The following MTHFD1L variants were observed in gnomAD, a reference collection of about 807,000 sequenced individuals.
MTHFD1L encodes monofunctional C1-tetrahydrofolate synthase, mitochondrial.
A neutral mutation model predicts 119.5 loss-of-function variants in MTHFD1L; 81 were observed. The observed-to-expected ratio is 0.68, with a 90% confidence interval of 0.57 to 0.82. The LOEUF is 0.82. Ranked by LOEUF, MTHFD1L falls within the 40% of genes least tolerant of loss-of-function variation. The probability of loss-of-function intolerance (pLI) is 0.00; values close to 1 mark genes in which losing one functional copy is unlikely to be tolerated. For missense variants in MTHFD1L, 1,125 were observed against 1,253.4 expected, an observed-to-expected ratio of 0.90 and a Z score of 1.55; for synonymous variants, 430 against 475.2, an observed-to-expected ratio of 0.90 and a Z score of 1.24.
intron 20 of MTHFD1L, among the ~76,000 whole-genome samples, chr6:150,995,509 C>T (rs1181343757): frequency 4.8e-4 from 47 of 97,604 alleles, no homozygotes; most frequent in Middle Eastern, 5.3e-3. Context: ...AGCGAAACTC[C>T]GTCTCAAAAA....
intron 7 of MTHFD1L, among the ~76,000 whole-genome samples, chr6:150,889,992 A>C (rs780470303): frequency 6.6e-6 from 1 of 152,050 alleles, no homozygotes; most frequent in Non-Finnish European, 1.5e-5. Flanking sequence ...CCCCATCTCT[A>C]CTAAAAATAT....
At chr6:151,053,539 C>A (rs936549560) in intron 26 of MTHFD1L, among the ~76,000 whole-genome samples, 22 of 152,074 alleles carry the variant, frequency 1.4e-4, no homozygotes, top group African/African-American at 4.3e-4. Context: ...CATTTGTGAT[C>A]CTCTGTGCCA....
At chr6:151,042,879 T>C (rs1398119481) in intron 26 of MTHFD1L, among the ~76,000 whole-genome samples, 1 of 152,074 alleles carries the variant, frequency 6.6e-6, no homozygotes, top group African/African-American at 2.4e-5. Flanking sequence ...AACATGAAAA[T>C]ACAGTAAATA....
At chr6:151,003,486 C>T (rs755404225) in intron 20 of MTHFD1L, among the ~76,000 whole-genome samples, 12 of 151,936 alleles carry the variant, frequency 7.9e-5, no homozygotes, top group Admixed American at 1.3e-4. Flanking sequence ...AAGCCGAGAT[C>T]GCACCATTGC....
chr6:151,064,305 T>C (rs962656982), intron 26 of MTHFD1L, among the ~76,000 whole-genome samples: 9 of 152,102 alleles, frequency 5.9e-5, no homozygotes, highest in African/African-American at 2.2e-4. Flanking sequence ...ATTCTTGAAG[T>C]GTTAAATTAT....
Position 150,961,034 on chromosome 6 carries a change from G to A in MTHFD1L, c.1944+619G>A, listed in dbSNP as rs75678471. Among the ~76,000 whole-genome samples, 685 of 150,840 alleles carry A rather than the reference G, an allele frequency of 4.5e-3. 4 individuals carry two copies. Among genetic ancestry groups the A allele is most frequent in the African/African-American group, 0.016 (652 of 41,016 alleles). On this transcript the variant is annotated intron_variant, in intron 18 of 27. Coordinates refer to ENST00000367321, the MANE Select transcript of MTHFD1L (RefSeq NM_015440.5). ...TTTTAGTGCTTTTTCTAATTGGCATGCTAGTCTTCTTTTCTTCTTCGTCTT... is the reference window on the plus strand; with the variant it reads ...TTTTAGTGCTTTTTCTAATTGGCATACTAGTCTTCTTTTCTTCTTCGTCTT...
At position 151,014,870 on chromosome 6, in the gene MTHFD1L, T is replaced by C; in HGVS notation, c.2308-10T>C. On this transcript the variant is annotated splice_polypyrimidine_tract_variant and intron_variant, in intron 22 of 27. Coordinates refer to ENST00000367321, the MANE Select transcript of MTHFD1L (RefSeq NM_015440.5). ...CAGGGGTCTGGGTTTTGCTTTTTTC[T>C]TTTTTACAGAACATCCAGCTGGTGG... 1.9e-6 allele frequency: 3 copies of C among 1,613,022 alleles called. No homozygotes were observed. The highest frequency in any genetic ancestry group is 2.5e-6 in the Non-Finnish European group (3 of 1,179,538).
At chr6:151,073,410 T>A (rs144913905) in intron 26 of MTHFD1L, among the ~76,000 whole-genome samples, 1 of 152,328 alleles carries the variant, frequency 6.6e-6, no homozygotes. Flanking sequence ...GGGCACTGGT[T>A]AGAATACTAA....
chr6:151,024,855 G>T (rs1584195560), intron 24 of MTHFD1L, among the ~76,000 whole-genome samples: 1 of 151,914 alleles, frequency 6.6e-6, no homozygotes, highest in Admixed American at 6.6e-5. Context: ...TTTGAGCCTG[G>T]GCAACAGAAC....
intron 8 of MTHFD1L, chr6:150,912,869 C>T: frequency 5.1e-6 from 1 of 194,960 alleles, no homozygotes; most frequent in South Asian, 8.5e-5. Context: ...GGAGTCCTGC[C>T]CCTACACGGG....
At chr6:150,902,571 C>T (rs951494415) in intron 7 of MTHFD1L, among the ~76,000 whole-genome samples, 2 of 152,154 alleles carry the variant, frequency 1.3e-5, no homozygotes, top group Admixed American at 1.3e-4. Flanking sequence ...ATTTAAGCAT[C>T]TAGCACTTTT....
intron 11 of MTHFD1L, chr6:150,935,596 T>C: frequency 7.1e-7 from 1 of 1,405,916 alleles, no homozygotes; most frequent in Non-Finnish European, 9.7e-7. Context: ...CTGTGTGGAG[T>C]AGGTTTTCTC....
chr6:150,997,420 C>T (rs891848996), intron 20 of MTHFD1L, among the ~76,000 whole-genome samples: 9 of 152,184 alleles, frequency 5.9e-5, no homozygotes, highest in East Asian at 1.9e-4. Flanking sequence ...CAATGGGTCA[C>T]GGGATCAGTG....
chr6:151,043,788 T>A (rs1279936520), intron 26 of MTHFD1L, among the ~76,000 whole-genome samples: 1 of 152,170 alleles, frequency 6.6e-6, no homozygotes, highest in Non-Finnish European at 1.5e-5. Context: ...ATCTAGGGGT[T>A]AGACAGCCTG....
chr6:151,085,943 T>C (rs898199195), intron 26 of MTHFD1L, among the ~76,000 whole-genome samples: 3 of 152,090 alleles, frequency 2.0e-5, no homozygotes, highest in Non-Finnish European at 2.9e-5. Flanking sequence ...TAGCAGGGAC[T>C]GGGTCCTGGT....
At chr6:151,075,496 GA>G (rs138138626) in intron 26 of MTHFD1L, among the ~76,000 whole-genome samples, 2,267 of 149,366 alleles carry the variant, frequency 0.015, 63 homozygotes, top group African/African-American at 0.053. Context: ...CATAAATGAA[GA>G]AAAAAAAAGA....
intron 8 of MTHFD1L, among the ~76,000 whole-genome samples, chr6:150,909,611 A>T (rs1272084338): frequency 1.3e-5 from 2 of 152,222 alleles, no homozygotes; most frequent in Non-Finnish European, 2.9e-5. Flanking sequence ...TAAACAGCAG[A>T]TTTCATCATA....
At position 150,883,798 on chromosome 6, in the gene MTHFD1L, T is replaced by C. The variant is rs139831857; in HGVS notation, c.542+912T>C. 5.1e-4 allele frequency among the ~76,000 whole-genome samples: 78 copies of C among 152,186 alleles called. No homozygotes were observed. In the East Asian group the frequency reaches 9.5e-3, roughly 18 times the overall value. On this transcript the variant is annotated intron_variant, in intron 5 of 27. Transcript: ENST00000367321. ...AACCCCATTTTCCTCCATGGAAATA[T>C]AGGAAGTGTTTTGTACTGTGGCCAA... is the stretch of plus-strand genomic sequence containing the variant.
At chr6:150,885,526 A>G in intron 5 of MTHFD1L, 108 bp from the exon 6 acceptor site, 1 of 790,600 alleles carries the variant, frequency 1.3e-6, no homozygotes, top group Non-Finnish European at 2.1e-6. Flanking sequence ...TATTCTGTCT[A>G]TCAAACATTG....
Sources: gnomAD v4.1 joint callset for allele counts (sites outside exome capture counted in the v4.1 genomes callset) on GRCh38, gnomAD v4.1.1 for gene constraint, MANE v1.5 for transcripts, NCBI Gene and HGNC (gene_info 2026-07-23, HGNC 2026-07-21) for gene names.